Variants in STAT3 observed in about 807,000 individuals in gnomAD.
STAT3 encodes the protein signal transducer and activator of transcription 3.
STAT3 carries 7 observed loss-of-function variants against 114.3 expected under a neutral mutation model. The ratio of observed to expected loss-of-function variants is 0.06; its 90% CI spans 0.03 to 0.11. The LOEUF (loss-of-function observed/expected upper bound fraction) is 0.11, where lower values mean the gene tolerates loss of function less well. Among genes scored for constraint, STAT3 ranks in the 10% least tolerant of loss-of-function variants. The pLI is 1.00. For missense variants in STAT3, 364 were observed against 960.9 expected (o/e 0.38, Z 8.21); for synonymous variants, 331 against 354.5 (o/e 0.93, Z 0.74).
chr17:42,333,524 G>A lies in STAT3; in HGVS notation c.1049+149C>T, dbSNP rs2082108758. On this transcript the variant is annotated intron_variant, in intron 10 of 23. Transcript: ENST00000264657. The surrounding 1 kb of genome is among the most constrained non-coding windows in gnomAD (Gnocchi z 5.2). ...TGACATCAGAATCAGAGAGCAAGCAGATAGTATGGCAACAAATTTCAACCC... is the reference window on the plus strand; with the variant it reads ...TGACATCAGAATCAGAGAGCAAGCAAATAGTATGGCAACAAATTTCAACCC... The A allele has an allele frequency of 2.3e-6, 2 of 864,378 alleles. No homozygotes were observed. The highest frequency in any genetic ancestry group is 1.7e-5 in the African/African-American group (1 of 60,130). 53.5% of individuals were successfully genotyped at this position (864,378 alleles called of 1,614,324 possible). A position where few individuals can be genotyped will look rare whatever the true frequency, so the allele number is the denominator to read the frequency against.
intron 1 of STAT3, among the ~76,000 whole-genome samples, chr17:42,374,770 T>C (rs1427122402): frequency 2.0e-5 from 3 of 152,204 alleles, no homozygotes; most frequent in South Asian, 4.1e-4. Flanking sequence ...AAATGTTAAG[T>C]GACTACACAT....
chr17:42,317,901 A>C (rs992372243), intron 21 of STAT3, among the ~76,000 whole-genome samples: 2 of 152,210 alleles, frequency 1.3e-5, no homozygotes, highest in Non-Finnish European at 2.9e-5. Flanking sequence ...GTCCAGGTAC[A>C]TCTTCAATAG....
At chr17:42,335,615 T>C (rs2082197507) in intron 8 of STAT3, among the ~76,000 whole-genome samples, 1 of 152,166 alleles carries the variant, frequency 6.6e-6, no homozygotes, top group Non-Finnish European at 1.5e-5. Flanking sequence ...ATTAAATCTA[T>C]CTCCAAGAAT....
chr17:42,316,557 T>G, intron 23 of STAT3: 2 of 1,178,474 alleles, frequency 1.7e-6, no homozygotes, highest in Non-Finnish European at 2.4e-6. Context: ...GTATGTTGGA[T>G]TTAGTGGGTT....
Position 42,323,245 on chromosome 17 carries a change from C to G in STAT3, c.1748+15G>C. ...GGGGACTTGGTTACATCTGTGCACACTCTGTCCAACCTACCCTTCGTTCCA... is the reference window on the plus strand; with the variant it reads ...GGGGACTTGGTTACATCTGTGCACAGTCTGTCCAACCTACCCTTCGTTCCA... On this transcript the variant is annotated intron_variant, in intron 19 of 23. Transcript: ENST00000264657. The G allele has an allele frequency of 1.2e-6, 2 of 1,614,218 alleles. No homozygotes were observed. The highest frequency in any genetic ancestry group is 1.7e-6 in the Non-Finnish European group (2 of 1,180,022).
At chr17:42,322,562 A>G in intron 20 of STAT3, 68 bp from the exon 21 acceptor site, 1 of 1,565,746 alleles carries the variant, frequency 6.4e-7, no homozygotes, top group Non-Finnish European at 8.8e-7. Flanking sequence ...AAAACTGCCC[A>G]TTTTTTCTTT....
intron 1 of STAT3, among the ~76,000 whole-genome samples, chr17:42,363,938 T>C (rs750151195): frequency 6.6e-6 from 1 of 152,132 alleles, no homozygotes; most frequent in Non-Finnish European, 1.5e-5. Flanking sequence ...CCTAGTCCAA[T>C]GACTGCTTTC....
intron 4 of STAT3, among the ~76,000 whole-genome samples, chr17:42,344,142 G>A (rs1451544111): frequency 6.6e-6 from 1 of 152,150 alleles, no homozygotes; most frequent in Non-Finnish European, 1.5e-5. Context: ...CCTTAATTAA[G>A]CCAGGTGCGG....
At chr17:42,349,945 A>G (rs1317482682) in intron 1 of STAT3, among the ~76,000 whole-genome samples, 2 of 152,084 alleles carry the variant, frequency 1.3e-5, no homozygotes, top group African/African-American at 4.8e-5. Flanking sequence ...AATTACAGCT[A>G]CTCAAGAGGT....
chr17:42,369,620 CTTG>C (rs1333076746), intron 1 of STAT3, among the ~76,000 whole-genome samples: 1 of 152,038 alleles, frequency 6.6e-6, no homozygotes, highest in African/African-American at 2.4e-5. Flanking sequence ...CATTTTTGTT[CTTG>C]TTGTTTTTAA....
At chr17:42,350,117 G>A (rs925014676) in intron 1 of STAT3, among the ~76,000 whole-genome samples, 4 of 152,096 alleles carry the variant, frequency 2.6e-5, no homozygotes, top group African/African-American at 9.7e-5. Context: ...ATGAAGGTAT[G>A]TACAGACCAA....
At chr17:42,372,814 C>G (rs2084226600) in intron 1 of STAT3, among the ~76,000 whole-genome samples, 1 of 151,654 alleles carries the variant, frequency 6.6e-6, no homozygotes, top group Admixed American at 6.6e-5. Flanking sequence ...GCCACTGCAA[C>G]CTGGCCTGGA....
In STAT3 at chr17:42,333,299, C is replaced by T. The variant is rs1172639292; in HGVS notation, c.1049+374G>A. Among the ~76,000 whole-genome samples the T allele has an allele frequency of 6.6e-6, 1 of 152,104 alleles. No individual in the cohort carries two copies. Among genetic ancestry groups the T allele is most frequent in the Non-Finnish European group, 1.5e-5 (1 of 68,028 alleles). On this transcript the variant is annotated intron_variant, in intron 10 of 23. Transcript: ENST00000264657. This position sits in a 1 kb window ranked among gnomAD's most constrained non-coding sequence, Gnocchi z 5.2. ...CCTACAGGCCCACCACCCACCTGCCCTGGGGCCTCTCAGCTTCCCCATCAC... is the reference window on the plus strand; with the variant it reads ...CCTACAGGCCCACCACCCACCTGCCTTGGGGCCTCTCAGCTTCCCCATCAC...
chr17:42,314,849 T>TCC lies in STAT3; in HGVS notation c.*895_*896insGG, dbSNP rs1567699889. 5.4e-6 allele frequency: 1 copy of TCC among 186,276 alleles called. No individual in the cohort carries two copies. The allele number at this position is 186,276 out of a possible 1,614,324, so 11.5% of individuals were successfully genotyped here. On this transcript the variant is annotated 3_prime_UTR_variant, in exon 24 of 24. Coordinates refer to ENST00000264657, the MANE Select transcript of STAT3 (RefSeq NM_139276.3). ...CACCAAGGAGGCTGTTAACTGAAGT[T>TCC]TCTTTTTTTTTTTTTTTTTTTTGAG...
At chr17:42,365,280 T>C (rs771485948) in intron 1 of STAT3, among the ~76,000 whole-genome samples, 6 of 152,212 alleles carry the variant, frequency 3.9e-5, no homozygotes, top group Non-Finnish European at 7.3e-5. Flanking sequence ...GCACGTGGTC[T>C]ACAGTCTCAG....
intron 1 of STAT3, among the ~76,000 whole-genome samples, chr17:42,370,710 C>A (rs1337806708): frequency 6.6e-6 from 1 of 151,942 alleles, no homozygotes; most frequent in African/African-American, 2.4e-5. Flanking sequence ...TCGCTGCAAC[C>A]TCCGCCTCCC....
intron 15 of STAT3, among the ~76,000 whole-genome samples, chr17:42,325,762 T>A (rs1687423071): frequency 1.3e-5 from 2 of 151,984 alleles, no homozygotes; most frequent in African/African-American, 4.8e-5. Context: ...CGGGGTTTCG[T>A]CATGTTGGCC....
chr17:42,366,739 T>C (rs1255627299), intron 1 of STAT3, among the ~76,000 whole-genome samples: 2 of 146,230 alleles, frequency 1.4e-5, no homozygotes, highest in Non-Finnish European at 3.0e-5. Context: ...GCAGCCTTAA[T>C]CCAGGCCACC....
intron 1 of STAT3, among the ~76,000 whole-genome samples, chr17:42,366,888 C>T (rs2145213146): frequency 6.6e-6 from 1 of 152,204 alleles, no homozygotes; most frequent in South Asian, 2.1e-4. Context: ...AACCTGTCAT[C>T]CCAGCACTTT....
Sources: gnomAD v4.1 joint callset for allele counts (sites outside exome capture counted in the v4.1 genomes callset) on GRCh38, gnomAD v4.1.1 for gene constraint, Gnocchi (gnomAD v3.1) non-coding constraint, MANE v1.5 for transcripts, NCBI Gene and HGNC (gene_info 2026-07-23, HGNC 2026-07-21) for gene names.